GFRA1: variants seen among roughly 807,000 people sequenced by gnomAD.
GFRA1 encodes the protein GDNF family receptor alpha-1.
Under a neutral mutation model 51.6 loss-of-function variants are expected in GFRA1, and 16 were observed. The observed-to-expected ratio is 0.31, with a 90% CI of 0.21 to 0.47. GFRA1 has a LOEUF of 0.47. Among genes scored for constraint, GFRA1 ranks in the 20% least tolerant of loss-of-function variants. The pLI, the probability that GFRA1 is intolerant of heterozygous loss-of-function variation, is 1.00. For synonymous variants in GFRA1, 270 were observed against 241.3 expected, an observed-to-expected ratio of 1.12 and a Z score of -1.10; for missense variants, 530 against 594.3, an observed-to-expected ratio of 0.89 and a Z score of 1.13.
At position 116,183,440 on chromosome 10, in the gene GFRA1, AGAG is replaced by A. The variant is rs1425249476; in HGVS notation, c.433+28188_433+28190del. On this transcript the variant is annotated intron_variant, in intron 5 of 10. Transcript: ENST00000355422. Reference sequence around the variant, plus strand: ...ATTCCATGGGGAATCTCAGGCTCACAGAGGTTCACTTCCTCAAAATCAAGAGCA... The same window carrying A: ...ATTCCATGGGGAATCTCAGGCTCACAGTTCACTTCCTCAAAATCAAGAGCA... Among the ~76,000 whole-genome samples, 8 of 152,322 alleles carry A rather than the reference AGAG, an allele frequency of 5.3e-5. No individual in the cohort carries two copies. The East Asian group carries it at 1.5e-3, about 29-fold the overall frequency.
At chr10:116,196,910 T>C (rs905870406) in intron 5 of GFRA1, among the ~76,000 whole-genome samples, 3 of 147,900 alleles carry the variant, frequency 2.0e-5, no homozygotes, top group African/African-American at 7.5e-5. Flanking sequence ...AGGAGGGCCA[T>C]GCTGAAGGTT....
At chr10:116,212,118 A>G (rs1965237070) in intron 4 of GFRA1, among the ~76,000 whole-genome samples, 1 of 152,248 alleles carries the variant, frequency 6.6e-6, no homozygotes, top group Non-Finnish European at 1.5e-5. Context: ...CAGAGGAACA[A>G]GCATGGTCAA....
At chr10:116,206,127 G>A (rs2134415300) in intron 5 of GFRA1, among the ~76,000 whole-genome samples, 1 of 152,158 alleles carries the variant, frequency 6.6e-6, no homozygotes, top group Non-Finnish European at 1.5e-5. Context: ...CCATAAAAGT[G>A]TTCACGCATT....
intron 9 of GFRA1, among the ~76,000 whole-genome samples, chr10:116,068,153 C>T (rs1295830352): frequency 1.3e-5 from 2 of 152,180 alleles, no homozygotes; most frequent in Non-Finnish European, 2.9e-5. Context: ...CCTTCTCTCC[C>T]GTTAAACATC....
intron 4 of GFRA1, among the ~76,000 whole-genome samples, chr10:116,251,082 C>T (rs1455214920): frequency 6.6e-6 from 1 of 152,220 alleles, no homozygotes; most frequent in African/African-American, 2.4e-5. Flanking sequence ...CCCTCTGTTC[C>T]CTTCTGTATC....
chr10:116,156,107 C>G (rs1209253975), intron 5 of GFRA1, among the ~76,000 whole-genome samples: 1 of 152,178 alleles, frequency 6.6e-6, no homozygotes, highest in East Asian at 1.9e-4. Context: ...TCAAACCAAG[C>G]AAAACTGTGT....
intron 5 of GFRA1, among the ~76,000 whole-genome samples, chr10:116,162,816 A>G (rs368876531): frequency 7.8e-4 from 119 of 152,316 alleles, no homozygotes; most frequent in African/African-American, 2.7e-3. Flanking sequence ...GAAAAAAAAA[A>G]GGACTATGAC....
intron 4 of GFRA1, among the ~76,000 whole-genome samples, chr10:116,232,601 T>C (rs970549621): frequency 3.7e-4 from 56 of 152,308 alleles, no homozygotes; most frequent in Middle Eastern, 3.4e-3. Flanking sequence ...ATGGAGTAAT[T>C]AAACACCACA....
intron 9 of GFRA1, among the ~76,000 whole-genome samples, chr10:116,085,533 G>C (rs896702595): frequency 6.6e-6 from 1 of 152,014 alleles, no homozygotes; most frequent in Non-Finnish European, 1.5e-5. Flanking sequence ...CCTCCTCCCC[G>C]GCAAATGATA....
At chr10:116,138,353 G>A (rs574140428) in intron 5 of GFRA1, among the ~76,000 whole-genome samples, 1 of 147,984 alleles carries the variant, frequency 6.8e-6, no homozygotes, top group South Asian at 2.1e-4. Flanking sequence ...GGAATTCGCT[G>A]ACTTTCTGTA....
At chr10:116,095,609 C>T (rs1261270954) in intron 7 of GFRA1, among the ~76,000 whole-genome samples, 1 of 152,178 alleles carries the variant, frequency 6.6e-6, no homozygotes, top group African/African-American at 2.4e-5. Context: ...GGCAGGTATC[C>T]TTCCAAAAAG....
rs754335579 is a variant in GFRA1 at position 116,125,438 on chromosome 10, C to T, written c.553G>A (p.Asp185Asn). The T allele has an allele frequency of 1.6e-5, 26 of 1,614,000 alleles. No individual in the cohort carries two copies. Among genetic ancestry groups the T allele is most frequent in the Non-Finnish European group, 2.1e-5 (25 of 1,179,986 alleles). The change falls in exon 6 of 11, where the codon GAT becomes AAT. Residue 185 changes from aspartate (D) to asparagine (N), a missense_variant. Coordinates refer to ENST00000355422, the MANE Select transcript of GFRA1 (RefSeq NM_005264.8). ...ITPCTTSVSN[D>N]VCNRRKCHKA... ...TGGCACTTGCGGCGGTTGCAGACAT[C>T]GTTGGACACGCTGGTGGTGCACGGG...
chr10:116,145,590 T>C lies in GFRA1; in HGVS notation c.434-20033A>G, dbSNP rs1267265255. 2.0e-5 allele frequency among the ~76,000 whole-genome samples: 3 copies of C among 152,208 alleles called. No individual in the cohort carries two copies. The East Asian group carries it at 5.8e-4, about 29-fold the overall frequency. On this transcript the variant is annotated intron_variant, in intron 5 of 10. Transcript: ENST00000355422. ...GTATTACAATATCATGCAAATTACA[T>C]CCTTTCCAACTACATAAACTTATGT...
At chr10:116,202,860 G>C (rs2134396659) in intron 5 of GFRA1, among the ~76,000 whole-genome samples, 1 of 152,230 alleles carries the variant, frequency 6.6e-6, no homozygotes, top group East Asian at 1.9e-4. Context: ...TCCCCAGCTG[G>C]GCTAGCCCCC....
At chr10:116,215,358 C>T (rs1161072045) in intron 4 of GFRA1, among the ~76,000 whole-genome samples, 1 of 152,106 alleles carries the variant, frequency 6.6e-6, no homozygotes, top group African/African-American at 2.4e-5. Flanking sequence ...CATTCGCTAC[C>T]CTGGTGTTCC....
At chr10:116,231,829 C>T (rs908171009) in intron 4 of GFRA1, among the ~76,000 whole-genome samples, 4 of 152,204 alleles carry the variant, frequency 2.6e-5, no homozygotes, top group Admixed American at 2.0e-4. Context: ...ACACCTAAAT[C>T]GACCCGGGCA....
chr10:116,274,109 C>A (rs538478730), upstream of GFRA1, among the ~76,000 whole-genome samples: 1 of 152,310 alleles, frequency 6.6e-6, no homozygotes, highest in South Asian at 2.1e-4. Context: ...CTAACATGTA[C>A]ACAGCCCTTC....
intron 9 of GFRA1, among the ~76,000 whole-genome samples, chr10:116,085,802 T>C (rs1956077177): frequency 6.6e-6 from 1 of 152,194 alleles, no homozygotes; most frequent in African/African-American, 2.4e-5. Context: ...CCTTCCCCTA[T>C]GTTGTCTCCT....
intron 5 of GFRA1, among the ~76,000 whole-genome samples, chr10:116,179,207 A>C: frequency 6.6e-6 from 1 of 152,206 alleles, no homozygotes; most frequent in African/African-American, 2.4e-5. Context: ...GCTGTCTGGA[A>C]GGCACTGATC....
Sources: gnomAD v4.1 joint callset for allele counts (sites outside exome capture counted in the v4.1 genomes callset) on GRCh38, gnomAD v4.1.1 for gene constraint, MANE v1.5 for transcripts, NCBI Gene and HGNC (gene_info 2026-07-23, HGNC 2026-07-21) for gene names.